GFRA2: variants seen among roughly 807,000 people sequenced by gnomAD.
The protein encoded by GFRA2 is GDNF family receptor alpha-2.
In GFRA2, 17 loss-of-function variants were observed where a neutral mutation model predicts 48.3. The ratio of observed to expected loss-of-function variants is 0.35; its 90% CI spans 0.24 to 0.53. GFRA2 has a LOEUF of 0.53. Ranked by LOEUF, GFRA2 falls within the 20% of genes least tolerant of loss-of-function variation. The pLI, the probability that GFRA2 is intolerant of heterozygous loss-of-function variation, is 0.93. For synonymous variants in GFRA2, 305 were observed against 257.2 expected (o/e 1.19, Z -1.78); for missense variants, 660 against 637.3 (o/e 1.04, Z -0.38).
rs1288339522 is a variant in GFRA2 at position 21,787,117 on chromosome 8, A to G, written c.40+1003T>C. On this transcript the variant is annotated intron_variant, in intron 1 of 8. Coordinates refer to ENST00000524240, the MANE Select transcript of GFRA2 (RefSeq NM_001495.5). ...GCCTTGCAAACAACCGCCTTTCCTC[A>G]CCTCCCTCCGGAGATTGCCATTTCC... is the stretch of plus-strand genomic sequence containing the variant. Among the ~76,000 whole-genome samples the G allele has an allele frequency of 8.0e-5, 12 of 150,210 alleles. No individual in the cohort carries two copies. In the East Asian group the frequency reaches 2.4e-3, roughly 30 times the overall value.
intron 5 of GFRA2, among the ~76,000 whole-genome samples, chr8:21,705,483 C>G (rs546939589): frequency 1.3e-5 from 2 of 152,256 alleles, no homozygotes; most frequent in South Asian, 4.2e-4. Context: ...TGGGATCAGA[C>G]CCCAGTGCCG....
chr8:21,749,942 T>C (rs1805196781), intron 4 of GFRA2, among the ~76,000 whole-genome samples: 1 of 152,152 alleles, frequency 6.6e-6, no homozygotes, highest in Non-Finnish European at 1.5e-5. Flanking sequence ...GCGCAGAGCC[T>C]AGAACATAGT....
At chr8:21,804,798 C>T (rs1298744865) in intron 2 of GFRA2, among the ~76,000 whole-genome samples, 1 of 152,092 alleles carries the variant, frequency 6.6e-6, no homozygotes, top group Admixed American at 6.5e-5. Flanking sequence ...GGCTCATAAG[C>T]TCTCCCGACC....
chr8:21,783,672 C>T (rs1585339306), intron 1 of GFRA2, among the ~76,000 whole-genome samples: 2 of 152,082 alleles, frequency 1.3e-5, no homozygotes, highest in Middle Eastern at 3.4e-3. Flanking sequence ...TCACACCAGA[C>T]GGAGACCTGA....
chr8:21,757,596 C>T (rs766574398), intron 3 of GFRA2, among the ~76,000 whole-genome samples: 11 of 151,622 alleles, frequency 7.3e-5, no homozygotes, highest in Non-Finnish European at 1.5e-4. Context: ...CAGGTTCAGG[C>T]GATTCTCCTG....
intron 4 of GFRA2, among the ~76,000 whole-genome samples, chr8:21,732,333 C>A (rs1386267117): frequency 6.6e-6 from 1 of 152,210 alleles, no homozygotes; most frequent in East Asian, 1.9e-4. Context: ...CTGAAGATGC[C>A]CAGGGCCTGC....
At chr8:21,694,092 T>TATATATATATATA (rs1221616880) in intron 8 of GFRA2, among the ~76,000 whole-genome samples, 17 of 138,532 alleles carry the variant, frequency 1.2e-4, no homozygotes, top group South Asian at 2.3e-4. Flanking sequence ...TATATATATA[T>TATATATATATATA]TTCCTATAGT....
At chr8:21,790,096 A>G (rs2097819183), upstream of GFRA2, 16 of 985,318 alleles carry the variant, frequency 1.6e-5, no homozygotes, top group Non-Finnish European at 1.8e-5. Flanking sequence ...CAGAATTTAC[A>G]ATAAACGCCC....
At chr8:21,749,988 A>C (rs747161126) in intron 4 of GFRA2, among the ~76,000 whole-genome samples, 15 of 152,190 alleles carry the variant, frequency 9.9e-5, no homozygotes, top group Non-Finnish European at 1.8e-4. Flanking sequence ...ATTATTAGGA[A>C]GGTAGTTTTG....
In GFRA2 at chr8:21,702,891, C is replaced by A; in HGVS notation, c.1132G>T (p.Val378Leu). ...TCTGGCAAAGAAGGCGTCTTCTCCA[C>A]CCGAGGGGCCTGGGTGGCCTGGAAC... Reference protein sequence around the residue: ...PSFQATQAPRVEKTPSLPDDL... With the variant: ...PSFQATQAPRLEKTPSLPDDL... The change falls in exon 7 of 9, where the codon GTG becomes TTG. Residue 378 changes from valine to leucine, a missense_variant. Coordinates refer to ENST00000524240, the MANE Select transcript of GFRA2 (RefSeq NM_001495.5). 6 of 1,605,262 alleles carry A rather than the reference C, an allele frequency of 3.7e-6. No homozygotes were observed. Among genetic ancestry groups the A allele is most frequent in the Non-Finnish European group, 5.1e-6 (6 of 1,176,038 alleles).
intron 2 of GFRA2, among the ~76,000 whole-genome samples, chr8:21,775,372 A>C (rs1047289299): frequency 6.6e-6 from 1 of 152,190 alleles, no homozygotes; most frequent in African/African-American, 2.4e-5. Flanking sequence ...TTGCAGGTGC[A>C]TCTGGGGGAA....
intron 3 of GFRA2, among the ~76,000 whole-genome samples, chr8:21,751,191 A>G (rs565584448): frequency 1.6e-4 from 24 of 152,204 alleles, no homozygotes; most frequent in Non-Finnish European, 3.4e-4. Flanking sequence ...GGTGAGCTGT[A>G]CCATGGCAAT....
At chr8:21,728,662 C>A (rs10105185) in intron 4 of GFRA2, among the ~76,000 whole-genome samples, 114,949 of 152,006 alleles carry the variant, frequency 0.76, 43,740 homozygotes, top group Non-Finnish European at 0.79. Context: ...GATGCATGGA[C>A]AATGCAGCCC....
intron 7 of GFRA2, among the ~76,000 whole-genome samples, chr8:21,699,404 G>A (rs1802361062): frequency 6.6e-6 from 1 of 152,206 alleles, no homozygotes; most frequent in Admixed American, 6.5e-5. Context: ...CAAATCACAG[G>A]TGGGCAGGTG....
At chr8:21,735,426 C>A (rs1804407013) in intron 4 of GFRA2, among the ~76,000 whole-genome samples, 1 of 152,038 alleles carries the variant, frequency 6.6e-6, no homozygotes, top group African/African-American at 2.4e-5. Flanking sequence ...TACCAGCGAC[C>A]ACCTCTATCC....
intron 3 of GFRA2, among the ~76,000 whole-genome samples, chr8:21,754,698 A>T (rs1377713415): frequency 6.6e-6 from 1 of 151,952 alleles, no homozygotes; most frequent in African/African-American, 2.4e-5. Context: ...TAGAAGAGAC[A>T]GGGTTTCACC....
At chr8:21,773,901 G>A (rs1284802095) in intron 3 of GFRA2, among the ~76,000 whole-genome samples, 5 of 152,128 alleles carry the variant, frequency 3.3e-5, no homozygotes, top group African/African-American at 9.7e-5. Flanking sequence ...CAGTGGGGCC[G>A]GGGACATTGC....
chr8:21,786,802 T>A (rs1325964635), intron 1 of GFRA2, among the ~76,000 whole-genome samples: 1 of 152,152 alleles, frequency 6.6e-6, no homozygotes, highest in Non-Finnish European at 1.5e-5. Flanking sequence ...GAGCACTTCT[T>A]AGACCACGCA....
chr8:21,773,129 C>T (rs1806516340), intron 3 of GFRA2, among the ~76,000 whole-genome samples: 1 of 152,244 alleles, frequency 6.6e-6, no homozygotes, highest in Non-Finnish European at 1.5e-5. Context: ...CAAAACTCAT[C>T]AGGAAATGTG....
Sources: gnomAD v4.1 joint callset for allele counts (sites outside exome capture counted in the v4.1 genomes callset) on GRCh38, gnomAD v4.1.1 for gene constraint, MANE v1.5 for transcripts, NCBI Gene and HGNC (gene_info 2026-07-23, HGNC 2026-07-21) for gene names.